The following UBAP2 variants were observed in gnomAD, a reference collection of about 807,000 sequenced individuals.
UBAP2 encodes the protein ubiquitin-associated protein 2.
UBAP2 carries 75 observed loss-of-function variants against 139.6 expected under a neutral mutation model. That is an observed-to-expected ratio of 0.54 (90% CI 0.45 to 0.65). The LOEUF is 0.65. Among genes scored for constraint, UBAP2 ranks in the 30% least tolerant of loss-of-function variants. The pLI, the probability that UBAP2 is intolerant of heterozygous loss-of-function variation, is 0.00. For missense variants in UBAP2, 1,368 were observed against 1,369.6 expected (o/e 1.00, Z 0.02); for synonymous variants, 526 against 526.2 (o/e 1.00, Z 0.01).
At chr9:33,960,924 T>C (rs1203978349) in intron 9 of UBAP2, 46 bp from the exon 10 acceptor site, 13 of 1,578,512 alleles carry the variant, frequency 8.2e-6, no homozygotes, top group Non-Finnish European at 9.6e-6. Context: ...CAAAGTCAAA[T>C]ACAGTCTCAG....
intron 10 of UBAP2, 48 bp from the exon 11 acceptor site, chr9:33,956,194 C>A: frequency 5.1e-6 from 7 of 1,376,804 alleles, no homozygotes; most frequent in Non-Finnish European, 7.2e-6. Context: ...TACTACTAAA[C>A]CCAAAACACT....
rs574927655 is a variant in UBAP2 at position 34,000,443 on chromosome 9, T to C, written c.100-1579A>G. Among the ~76,000 whole-genome samples, 4 of 152,340 alleles carry C rather than the reference T, an allele frequency of 2.6e-5. No homozygotes were observed. In the South Asian group the frequency reaches 8.3e-4, roughly 32 times the overall value. ...TTTGTAATGTGCCAGTCTGGTTTCT[T>C]AGTTTTAACGAAGGTACCGTAATTA... is the stretch of plus-strand genomic sequence containing the variant. On this transcript the variant is annotated intron_variant, in intron 2 of 28. Coordinates refer to ENST00000379238, the MANE Select transcript of UBAP2 (RefSeq NM_001370062.2).
chr9:34,017,429 T>C (rs942644247), intron 1 of UBAP2, among the ~76,000 whole-genome samples: 2 of 152,166 alleles, frequency 1.3e-5, no homozygotes, highest in African/African-American at 4.8e-5. Flanking sequence ...TACCACCAAT[T>C]TTAACCAGCA....
intron 2 of UBAP2, among the ~76,000 whole-genome samples, chr9:34,001,881 C>T (rs577468908): frequency 1.3e-5 from 2 of 151,304 alleles, no homozygotes; most frequent in African/African-American, 2.4e-5. Context: ...CTTTACAAGT[C>T]AAACACAAGA....
intron 1 of UBAP2, among the ~76,000 whole-genome samples, chr9:34,020,518 G>T (rs1824845254): frequency 6.6e-6 from 1 of 151,836 alleles, no homozygotes; most frequent in African/African-American, 2.4e-5. Context: ...TAGAGATGGG[G>T]TTTGGCCATG....
rs994902507 is a variant in UBAP2, at chr9:33,922,369, G to A, written c.*135C>T. On this transcript the variant is annotated 3_prime_UTR_variant, in exon 29 of 29. Coordinates refer to ENST00000379238, the MANE Select transcript of UBAP2 (RefSeq NM_001370062.2). The stretch of plus-strand genomic sequence containing the variant: ...ATTACATACAGTAGCCAGTCTGGGA[G>A]GCAGACTCCCCACAGAGGCATGGCT... 3 of 824,544 alleles carry A rather than the reference G, an allele frequency of 3.6e-6. No individual in the cohort carries two copies. Among genetic ancestry groups the A allele is most frequent in the African/African-American group, 3.4e-5 (2 of 59,050 alleles). 51.1% of individuals were successfully genotyped at this position (824,544 alleles called of 1,614,324 possible).
At chr9:34,012,810 A>G (rs1414163037) in intron 2 of UBAP2, among the ~76,000 whole-genome samples, 1 of 151,682 alleles carries the variant, frequency 6.6e-6, no homozygotes, top group African/African-American at 2.4e-5. Flanking sequence ...TCATATTCCC[A>G]TTGCAACTTT....
chr9:33,992,679 G>A (rs1821824601), intron 4 of UBAP2, among the ~76,000 whole-genome samples: 2 of 150,398 alleles, frequency 1.3e-5, no homozygotes, highest in South Asian at 4.2e-4. Context: ...CACAAATAGG[G>A]AAAAGAACCT....
chr9:33,949,736 C>T (rs142686968), intron 12 of UBAP2, among the ~76,000 whole-genome samples: 104 of 152,234 alleles, frequency 6.8e-4, no homozygotes, highest in African/African-American at 2.3e-3. Context: ...CGCGCACACA[C>T]GCACAAGATC....
chr9:33,924,105 C>T (rs1823202598), intron 23 of UBAP2, 101 bp downstream of exon 23: 1 of 1,581,120 alleles, frequency 6.3e-7, no homozygotes, highest in Non-Finnish European at 8.7e-7. Context: ...TCAGCACAGG[C>T]TACTAAGAGG....
intron 2 of UBAP2, among the ~76,000 whole-genome samples, chr9:34,013,152 CAAAAAAAAAAAAA>C (rs398010658): frequency 1.8e-4 from 14 of 78,310 alleles, no homozygotes; most frequent in African/African-American, 6.8e-4. Flanking sequence ...GACTCTAGCT[CAAAAAAAAAAAAA>C]AAAAAAAAAG....
At chr9:33,953,003 G>C (rs1826234529) in intron 12 of UBAP2, among the ~76,000 whole-genome samples, 1 of 152,118 alleles carries the variant, frequency 6.6e-6, no homozygotes, top group Non-Finnish European at 1.5e-5. Context: ...CCAAGTAACT[G>C]AGACTACAGG....
At chr9:33,980,759 C>T (rs1820592505) in intron 6 of UBAP2, among the ~76,000 whole-genome samples, 2 of 151,664 alleles carry the variant, frequency 1.3e-5, no homozygotes, top group South Asian at 4.2e-4. Flanking sequence ...AGTTTGAGAC[C>T]AGCCTGGGCA....
intron 1 of UBAP2, among the ~76,000 whole-genome samples, chr9:34,042,772 T>A (rs1827212213): frequency 7.0e-6 from 1 of 142,612 alleles, no homozygotes; most frequent in East Asian, 2.0e-4. Context: ...TTCATTTTAC[T>A]TTTTTTTTTT....
chr9:33,922,650 C>G, intron 28 of UBAP2, 37 bp downstream of exon 28: 1 of 1,589,128 alleles, frequency 6.3e-7, no homozygotes, highest in Non-Finnish European at 8.6e-7. Flanking sequence ...GAACCCCTGG[C>G]CCAGAGTAGG....
intron 6 of UBAP2, among the ~76,000 whole-genome samples, chr9:33,980,604 A>G (rs1820578169): frequency 6.6e-6 from 1 of 152,050 alleles, no homozygotes; most frequent in Non-Finnish European, 1.5e-5. Context: ...GATCTATGTC[A>G]AGTACATTAA....
chr9:33,992,846 T>C (rs1821839126), intron 4 of UBAP2, among the ~76,000 whole-genome samples: 1 of 152,150 alleles, frequency 6.6e-6, no homozygotes, highest in Admixed American at 6.5e-5. Context: ...CTGTTATCGG[T>C]ATTTTGCTAG....
At chr9:34,040,091 G>A (rs1156708727) in intron 1 of UBAP2, among the ~76,000 whole-genome samples, 1 of 151,642 alleles carries the variant, frequency 6.6e-6, no homozygotes, top group East Asian at 1.9e-4. Flanking sequence ...CCCAGGAGGC[G>A]GAGGTTGCGT....
intron 8 of UBAP2, chr9:33,968,559 T>C (rs1007798076): frequency 2.7e-6 from 1 of 371,996 alleles, no homozygotes; most frequent in African/African-American, 2.1e-5. Flanking sequence ...AAATCCCACG[T>C]GCCACTCAGA....
Sources: gnomAD v4.1 joint callset for allele counts (sites outside exome capture counted in the v4.1 genomes callset) on GRCh38, gnomAD v4.1.1 for gene constraint, MANE v1.5 for transcripts, NCBI Gene and HGNC (gene_info 2026-07-23, HGNC 2026-07-21) for gene names.